KCTD16: variants seen among roughly 807,000 people sequenced by gnomAD.
KCTD16 encodes potassium channel tetramerization domain containing 16.
A neutral mutation model predicts 33.2 loss-of-function variants in KCTD16; 13 were observed. That is an observed-to-expected ratio of 0.39 (90% confidence interval 0.25 to 0.62). KCTD16 has a LOEUF of 0.62. Among genes scored for constraint, KCTD16 ranks in the 20% least tolerant of loss-of-function variants. The pLI is 0.50. For missense variants in KCTD16, 441 were observed against 525.1 expected (o/e 0.84, Z 1.57); for synonymous variants, 197 against 195.3 (o/e 1.01, Z -0.07).
intron 3 of KCTD16, among the ~76,000 whole-genome samples, chr5:144,372,011 A>G (rs981301148): frequency 4.6e-5 from 7 of 152,118 alleles, no homozygotes; most frequent in Non-Finnish European, 8.8e-5. Flanking sequence ...AGGGGATTGG[A>G]CATGTCTATC....
chr5:144,425,564 C>A (rs1376340212), intron 3 of KCTD16, among the ~76,000 whole-genome samples: 2 of 151,952 alleles, frequency 1.3e-5, no homozygotes, highest in African/African-American at 4.8e-5. Flanking sequence ...CCTGTGAAAT[C>A]TAGGTGGAGG....
chr5:144,461,529 C>G lies in KCTD16; in HGVS notation c.833-12131C>G, dbSNP rs376253822. Reference sequence around the variant, plus strand: ...TCTTTCCATTTTCAGTACCAGTACCCTTGGCTATTGTTTCCTCTCACCTGG... The same window carrying G: ...TCTTTCCATTTTCAGTACCAGTACCGTTGGCTATTGTTTCCTCTCACCTGG... On this transcript the variant is annotated intron_variant, in intron 3 of 3. Transcript: ENST00000512467. Among the ~76,000 whole-genome samples, 7 of 152,300 alleles carry G rather than the reference C, an allele frequency of 4.6e-5. No individual in the cohort carries two copies. In the East Asian group the frequency reaches 1.2e-3, roughly 25 times the overall value.
At chr5:144,179,019 T>C (rs1047700052) in intron 2 of KCTD16, among the ~76,000 whole-genome samples, 3 of 152,162 alleles carry the variant, frequency 2.0e-5, no homozygotes, top group African/African-American at 7.2e-5. Flanking sequence ...GCTACACATA[T>C]TAAGAATTAA....
chr5:144,347,305 G>T (rs953499762), intron 3 of KCTD16, among the ~76,000 whole-genome samples: 2 of 152,128 alleles, frequency 1.3e-5, no homozygotes, highest in African/African-American at 4.8e-5. Context: ...AGAAGTAAAT[G>T]CAAAACCGGC....
At chr5:144,342,761 C>T (rs554635696) in intron 3 of KCTD16, among the ~76,000 whole-genome samples, 2 of 152,126 alleles carry the variant, frequency 1.3e-5, no homozygotes, top group Non-Finnish European at 2.9e-5. Flanking sequence ...CCATCAATAC[C>T]TAGTTTATTG....
chr5:144,418,100 C>T (rs925967504), intron 3 of KCTD16, among the ~76,000 whole-genome samples: 2 of 152,096 alleles, frequency 1.3e-5, no homozygotes, highest in Non-Finnish European at 1.5e-5. Context: ...GTTGTTCGTT[C>T]CTCCTGGTGG....
At chr5:144,366,849 A>G (rs1443425041) in intron 3 of KCTD16, among the ~76,000 whole-genome samples, 1 of 152,152 alleles carries the variant, frequency 6.6e-6, no homozygotes, top group African/African-American at 2.4e-5. Flanking sequence ...ATCCAATCAG[A>G]CTCTCACTTG....
chr5:144,428,926 T>C (rs963107803), intron 3 of KCTD16, among the ~76,000 whole-genome samples: 15 of 152,182 alleles, frequency 9.9e-5, no homozygotes, highest in Admixed American at 6.6e-4. Flanking sequence ...CCAACTTTTG[T>C]TTTTTAACAT....
chr5:144,340,676 C>T (rs1200771460), intron 3 of KCTD16, among the ~76,000 whole-genome samples: 1 of 152,092 alleles, frequency 6.6e-6, no homozygotes, highest in East Asian at 1.9e-4. Context: ...TTAGAAAAGA[C>T]ACCGGAACTT....
intron 3 of KCTD16, among the ~76,000 whole-genome samples, chr5:144,316,299 A>G (rs1253908950): frequency 6.6e-6 from 1 of 152,100 alleles, no homozygotes; most frequent in Admixed American, 6.5e-5. Context: ...CTTGTAGGTG[A>G]ATTGGTAAAG....
At chr5:144,331,044 C>A (rs897556116) in intron 3 of KCTD16, among the ~76,000 whole-genome samples, 1 of 152,166 alleles carries the variant, frequency 6.6e-6, no homozygotes, top group Admixed American at 6.5e-5. Flanking sequence ...TAGCCATAAA[C>A]TTTTTCTAAG....
At chr5:144,280,854 C>G (rs1385774248) in intron 3 of KCTD16, among the ~76,000 whole-genome samples, 1 of 151,410 alleles carries the variant, frequency 6.6e-6, no homozygotes, top group African/African-American at 2.4e-5. Flanking sequence ...GTGAACCCGG[C>G]AGGCGGAGGT....
intron 3 of KCTD16, among the ~76,000 whole-genome samples, chr5:144,210,606 C>A (rs1217020808): frequency 1.3e-5 from 2 of 152,106 alleles, no homozygotes; most frequent in African/African-American, 2.4e-5. Flanking sequence ...CTTCTTGATT[C>A]ACCTCTAAAT....
chr5:144,384,936 A>C (rs984998736), intron 3 of KCTD16, among the ~76,000 whole-genome samples: 1 of 152,188 alleles, frequency 6.6e-6, no homozygotes, highest in Non-Finnish European at 1.5e-5. Flanking sequence ...AATGAAGTGC[A>C]TACATTTTGT....
chr5:144,405,347 A>G (rs888703614), intron 3 of KCTD16, among the ~76,000 whole-genome samples: 2 of 152,172 alleles, frequency 1.3e-5, no homozygotes, highest in Non-Finnish European at 2.9e-5. Context: ...ATTGGATTGA[A>G]TTCAGGCCAA....
chr5:144,472,910 T>C (rs1382064487), intron 3 of KCTD16, among the ~76,000 whole-genome samples: 2 of 152,220 alleles, frequency 1.3e-5, no homozygotes. Flanking sequence ...AAATGGTTAA[T>C]TGGCATGGTT....
At chr5:144,434,556 A>G (rs1753534801) in intron 3 of KCTD16, among the ~76,000 whole-genome samples, 1 of 152,062 alleles carries the variant, frequency 6.6e-6, no homozygotes, top group Non-Finnish European at 1.5e-5. Context: ...AATAGTTACC[A>G]TGTTTTTCCA....
chr5:144,207,238 C>G lies in KCTD16; in HGVS notation c.524C>G (p.Thr175Ser). Residue 175 changes from threonine (T) to serine (S), a missense_variant, in exon 3 of 4, where the codon ACC (threonine) becomes AGC (serine). By Grantham distance (58) the Thr-to-Ser change is moderately conservative. This residue lies in a region of KCTD16 where 355 missense variants were observed against 413.0 expected (regional missense o/e 0.86). Coordinates refer to ENST00000512467, the MANE Select transcript of KCTD16 (RefSeq NM_020768.4). ...ACTGTGGGTTACAGAGGATCCTGCA[C>G]CTTGGGCAGAGAGGGACAGGCAGAT... The part of the protein sequence containing the change: ...FITVGYRGSC[T>S]LGREGQADAK... 6.2e-7 allele frequency: 1 copy of G among 1,614,122 alleles called. No homozygotes were observed. Among genetic ancestry groups the G allele is most frequent in the Non-Finnish European group, 8.5e-7 (1 of 1,180,028 alleles).
At position 144,473,736 on chromosome 5, in the gene KCTD16, C is replaced by T. The variant is rs146014269; in HGVS notation, c.909C>T (p.Ser303=). The T allele has an allele frequency of 5.1e-3, 8,284 of 1,613,340 alleles. 170 individuals are homozygous for T. The highest frequency in any genetic ancestry group is 0.045 in the South Asian group (4,099 of 91,076). Residue 303 remains serine, a synonymous_variant, in exon 4 of 4, where the codon AGC becomes AGT. Transcript: ENST00000512467. The stretch of plus-strand genomic sequence containing the variant: ...GCAAAGGTGACAAAGAAGGGGAGAG[C>T]GGCACGTCTTGCAATGACCTCTCCA... ...KNGKGDKEGE[S]GTSCNDLSTS... is the part of the protein sequence containing the mutation.
Sources: gnomAD v4.1 joint callset for allele counts (sites outside exome capture counted in the v4.1 genomes callset) on GRCh38, gnomAD v4.1.1 for gene constraint, gnomAD v4.1.1 regional missense constraint, MANE v1.5 for transcripts, NCBI Gene and HGNC (gene_info 2026-07-23, HGNC 2026-07-21) for gene names.